NLK: variants seen among roughly 807,000 people sequenced by gnomAD.
The protein encoded by NLK is nemo like kinase, also known as serine/threonine-protein kinase NLK.
Under a neutral mutation model 59.0 loss-of-function variants are expected in NLK, and 11 were observed. The ratio of observed to expected loss-of-function variants is 0.19; its 90% CI spans 0.12 to 0.31. NLK has a LOEUF of 0.31. Among genes scored for constraint, NLK ranks in the 10% least tolerant of loss-of-function variants. The pLI is 1.00. For synonymous variants in NLK, 235 were observed against 235.9 expected, an observed-to-expected ratio of 1.00 and a Z score of 0.03; for missense variants, 410 against 661.1, an observed-to-expected ratio of 0.62 and a Z score of 4.16.
intron 3 of NLK, among the ~76,000 whole-genome samples, chr17:28,153,045 G>A (rs927255151): frequency 1.3e-5 from 2 of 151,678 alleles, no homozygotes; most frequent in African/African-American, 2.4e-5. Flanking sequence ...AGGCCAAGGC[G>A]GGCAGATCAC....
Position 28,194,714 on chromosome 17 carries a change from T to C in NLK, c.*78T>C. The C allele has an allele frequency of 1.0e-6, 1 of 988,746 alleles. No individual in the cohort carries two copies. The highest frequency in any genetic ancestry group is 1.6e-6 in the Non-Finnish European group (1 of 643,898). The allele number at this position is 988,746 out of a possible 1,614,324, so 61.2% of individuals were successfully genotyped here. A position where few individuals can be genotyped will look rare whatever the true frequency, so the allele number is the denominator to read the frequency against. On this transcript the variant is annotated 3_prime_UTR_variant, in exon 11 of 11. Transcript: ENST00000407008. Reference sequence around the variant, plus strand: ...TGGGATTTGCAATTCTGGAGGTTAATCATGCTTGTACTGTAATTTTACTAA... The same window carrying C: ...TGGGATTTGCAATTCTGGAGGTTAACCATGCTTGTACTGTAATTTTACTAA...
At chr17:28,094,642 C>T (rs1229054185) in intron 1 of NLK, among the ~76,000 whole-genome samples, 2 of 152,098 alleles carry the variant, frequency 1.3e-5, no homozygotes, top group Middle Eastern at 3.2e-3. Context: ...TATTTATAGT[C>T]TTTGAGGTGG....
intron 2 of NLK, among the ~76,000 whole-genome samples, chr17:28,131,798 T>A (rs1264728390): frequency 6.6e-6 from 1 of 152,146 alleles, no homozygotes; most frequent in African/African-American, 2.4e-5. Flanking sequence ...TATAAAGGAC[T>A]TGCGTCGTAA....
intron 1 of NLK, among the ~76,000 whole-genome samples, chr17:28,103,966 C>T (rs1904988316): frequency 6.6e-6 from 1 of 152,032 alleles, no homozygotes; most frequent in Non-Finnish European, 1.5e-5. Flanking sequence ...AAGAAATTTC[C>T]CATTGACCTT....
intron 6 of NLK, among the ~76,000 whole-genome samples, chr17:28,169,178 A>C (rs773019416): frequency 2.0e-5 from 3 of 152,080 alleles, no homozygotes; most frequent in Admixed American, 2.0e-4. Context: ...GAGCCACTGC[A>C]CCCGGCCAGT....
chr17:28,070,257 G>T (rs909607914), intron 1 of NLK, among the ~76,000 whole-genome samples: 1 of 151,434 alleles, frequency 6.6e-6, no homozygotes, highest in South Asian at 2.1e-4. Flanking sequence ...AGAAATCTTT[G>T]TCTAGTGCCA....
intron 5 of NLK, among the ~76,000 whole-genome samples, chr17:28,164,624 A>G (rs1057118151): frequency 1.3e-5 from 2 of 152,296 alleles, no homozygotes; most frequent in African/African-American, 2.4e-5. Flanking sequence ...GTATTTCCCT[A>G]CCTCTAATAC....
At chr17:28,096,781 A>G (rs530615583) in intron 1 of NLK, among the ~76,000 whole-genome samples, 2 of 152,348 alleles carry the variant, frequency 1.3e-5, no homozygotes, top group South Asian at 2.1e-4. Flanking sequence ...ATAAAAATCT[A>G]CTGTTACAAA....
At chr17:28,078,876 C>G (rs1252569707) in intron 1 of NLK, among the ~76,000 whole-genome samples, 1 of 152,126 alleles carries the variant, frequency 6.6e-6, no homozygotes, top group African/African-American at 2.4e-5. Flanking sequence ...TTATTGTACT[C>G]TTATGGATTC....
chr17:28,139,113 G>A (rs747411489), intron 3 of NLK, among the ~76,000 whole-genome samples: 22 of 152,106 alleles, frequency 1.4e-4, no homozygotes, highest in Non-Finnish European at 2.5e-4. Context: ...AAAATTAGCC[G>A]GGTTTGGTGG....
At chr17:28,084,755 G>A (rs549775544) in intron 1 of NLK, among the ~76,000 whole-genome samples, 1 of 152,240 alleles carries the variant, frequency 6.6e-6, no homozygotes, top group African/African-American at 2.4e-5. Flanking sequence ...GTAGAGATGG[G>A]GTTTCACCAC....
intron 8 of NLK, among the ~76,000 whole-genome samples, chr17:28,185,875 T>C (rs1909096965): frequency 6.6e-6 from 1 of 152,058 alleles, no homozygotes; most frequent in African/African-American, 2.4e-5. Context: ...GAAAAAAAAA[T>C]CTGACCATTA....
At chr17:28,179,245 T>A (rs891058472) in intron 7 of NLK, among the ~76,000 whole-genome samples, 2 of 149,342 alleles carry the variant, frequency 1.3e-5, no homozygotes, top group African/African-American at 4.9e-5. Context: ...TTAGGGCATA[T>A]TTTTTTTTTC....
intron 3 of NLK, among the ~76,000 whole-genome samples, chr17:28,140,407 C>T (rs1014078557): frequency 2.2e-4 from 34 of 151,958 alleles, no homozygotes; most frequent in Admixed American, 6.5e-5. Context: ...CACACTGAAG[C>T]GTGATTAAAT....
intron 1 of NLK, among the ~76,000 whole-genome samples, chr17:28,054,486 C>T (rs1433822252): frequency 1.3e-5 from 2 of 152,008 alleles, no homozygotes; most frequent in Non-Finnish European, 2.9e-5. Flanking sequence ...TAATGTCGAC[C>T]AACAAAGCAC....
intron 1 of NLK, among the ~76,000 whole-genome samples, chr17:28,085,213 G>T (rs1567709718): frequency 6.6e-6 from 1 of 152,100 alleles, no homozygotes; most frequent in African/African-American, 2.4e-5. Flanking sequence ...CCCCACCCCA[G>T]CCCCTGGTGA....
intron 1 of NLK, among the ~76,000 whole-genome samples, chr17:28,090,763 C>T (rs1253878819): frequency 6.6e-6 from 1 of 151,996 alleles, no homozygotes; most frequent in African/African-American, 2.4e-5. Context: ...GGGTGACTTC[C>T]TTTAAGTACT....
chr17:28,109,156 G>A (rs565351981), intron 1 of NLK, among the ~76,000 whole-genome samples: 47 of 151,566 alleles, frequency 3.1e-4, no homozygotes, highest in East Asian at 2.5e-3. Flanking sequence ...GGGCAACACA[G>A]CGAGACTTCG....
intron 1 of NLK, among the ~76,000 whole-genome samples, chr17:28,105,142 T>C (rs1364589115): frequency 6.6e-6 from 1 of 152,226 alleles, no homozygotes; most frequent in Non-Finnish European, 1.5e-5. Flanking sequence ...CTCTGATTAC[T>C]ACCTTGAATC....
Sources: allele counts gnomAD v4.1 joint callset (sites outside exome capture counted in the v4.1 genomes callset), GRCh38; gene constraint gnomAD v4.1.1; transcripts MANE v1.5; gene names NCBI Gene and HGNC (gene_info 2026-07-23, HGNC 2026-07-21).